Variants in CACNA1E observed in about 807,000 individuals in gnomAD.
The protein encoded by CACNA1E is voltage-dependent R-type calcium channel subunit alpha-1E.
CACNA1E carries 40 observed loss-of-function variants against 259.2 expected under a neutral mutation model. That is an observed-to-expected ratio of 0.15 (90% CI 0.12 to 0.20). The LOEUF (loss-of-function observed/expected upper bound fraction) is 0.20. Ranked by LOEUF, CACNA1E falls within the 10% of genes least tolerant of loss-of-function variation. CACNA1E has a pLI of 1.00. For synonymous variants in CACNA1E, 1,104 were observed against 1,138.5 expected (o/e 0.97, Z 0.61); for missense variants, 1,874 against 3,040.1 (o/e 0.62, Z 9.02).
At chr1:181,503,445 G>A (rs768667708) in intron 1 of CACNA1E, among the ~76,000 whole-genome samples, 1 of 152,212 alleles carries the variant, frequency 6.6e-6, no homozygotes, top group Non-Finnish European at 1.5e-5. Flanking sequence ...GTGTTTGGAT[G>A]CGCTTTCCAT....
At chr1:181,550,818 A>C (rs192175175) in intron 3 of CACNA1E, among the ~76,000 whole-genome samples, 24 of 152,136 alleles carry the variant, frequency 1.6e-4, no homozygotes, top group Non-Finnish European at 2.9e-4. Context: ...TAGCAGGGAA[A>C]CAGTCATCTT....
intron 1 of CACNA1E, among the ~76,000 whole-genome samples, chr1:181,337,159 C>G (rs949539160): frequency 3.5e-5 from 5 of 142,748 alleles, no homozygotes; most frequent in African/African-American, 1.3e-4. Flanking sequence ...AGAATCTACT[C>G]TTTTTTTTTT....
chr1:181,751,895 ATATG>A (rs1657630631), intron 26 of CACNA1E: 5 of 638,026 alleles, frequency 7.8e-6, no homozygotes, highest in Non-Finnish European at 1.2e-5. Flanking sequence ...GTGTGTGTAT[ATATG>A]AGTGTGTACG....
chr1:181,381,205 A>C (rs1230092356), intron 1 of CACNA1E, among the ~76,000 whole-genome samples: 1 of 152,170 alleles, frequency 6.6e-6, no homozygotes, highest in East Asian at 1.9e-4. Context: ...ACCTGTACAC[A>C]AGAGTTCATA....
intron 38 of CACNA1E, among the ~76,000 whole-genome samples, chr1:181,777,720 GGAT>G (rs1660086741): frequency 6.6e-6 from 1 of 152,172 alleles, no homozygotes; most frequent in Non-Finnish European, 1.5e-5. Context: ...GTGTTTGTGA[GGAT>G]GATATTAAAT....
upstream of CACNA1E, among the ~76,000 whole-genome samples, chr1:181,482,211 C>CG (rs1182652373): frequency 1.3e-5 from 2 of 152,214 alleles, no homozygotes; most frequent in Admixed American, 6.5e-5. Context: ...GGAGGAGCGG[C>CG]GACGCGGCCA....
At chr1:181,611,234 C>T (rs1016947594) in intron 6 of CACNA1E, among the ~76,000 whole-genome samples, 1 of 152,188 alleles carries the variant, frequency 6.6e-6, no homozygotes, top group African/African-American at 2.4e-5. Context: ...ACACTTCTAC[C>T]TCTCACTGTC....
chr1:181,332,068 C>T (rs928540918), intron 1 of CACNA1E, among the ~76,000 whole-genome samples: 6 of 152,202 alleles, frequency 3.9e-5, no homozygotes, highest in Non-Finnish European at 8.8e-5. Flanking sequence ...TTTGCAAGGA[C>T]ATGAATGGAG....
At chr1:181,394,103 G>A (rs1257780515) in intron 1 of CACNA1E, among the ~76,000 whole-genome samples, 1 of 152,014 alleles carries the variant, frequency 6.6e-6, no homozygotes, top group Non-Finnish European at 1.5e-5. Flanking sequence ...ACGGTTGGTT[G>A]CTGACTCAGT....
intron 7 of CACNA1E, among the ~76,000 whole-genome samples, chr1:181,687,417 G>C (rs956779330): frequency 6.6e-6 from 1 of 152,112 alleles, no homozygotes; most frequent in African/African-American, 2.4e-5. Context: ...CACTTCTTCT[G>C]TCTTGTCCAG....
At chr1:181,596,268 C>T (rs755371453) in intron 6 of CACNA1E, among the ~76,000 whole-genome samples, 1 of 152,142 alleles carries the variant, frequency 6.6e-6, no homozygotes, top group African/African-American at 2.4e-5. Flanking sequence ...AAGCAGCCTC[C>T]TGTGGACATA....
chr1:181,677,570 C>T (rs1160125820), intron 7 of CACNA1E, among the ~76,000 whole-genome samples: 2 of 152,254 alleles, frequency 1.3e-5, no homozygotes, highest in Admixed American at 6.5e-5. Context: ...ATTTCCTGAT[C>T]ACCAAACACA....
chr1:181,777,663 T>G (rs1189144203), intron 38 of CACNA1E, among the ~76,000 whole-genome samples: 1 of 152,230 alleles, frequency 6.6e-6, no homozygotes, highest in African/African-American at 2.4e-5. Flanking sequence ...CACTCTGGGC[T>G]TCTTTACCTG....
intron 6 of CACNA1E, among the ~76,000 whole-genome samples, chr1:181,651,021 TGCTATAAAACCA>T (rs1375514577): frequency 6.6e-6 from 1 of 152,234 alleles, no homozygotes; most frequent in Non-Finnish European, 1.5e-5. Flanking sequence ...CATTACCAAA[TGCTATAAAACCA>T]GTGGTTGTTT....
intron 1 of CACNA1E, among the ~76,000 whole-genome samples, chr1:181,504,712 A>G (rs957782734): frequency 6.6e-5 from 10 of 152,246 alleles, no homozygotes; most frequent in African/African-American, 2.4e-4. Flanking sequence ...AAGGAAATGA[A>G]CAAATGGCAG....
chr1:181,694,859 T>C (rs1045575158), intron 7 of CACNA1E, among the ~76,000 whole-genome samples: 1 of 152,110 alleles, frequency 6.6e-6, no homozygotes. Context: ...AATGTTGTTA[T>C]GTAAATCTGA....
intron 6 of CACNA1E, among the ~76,000 whole-genome samples, chr1:181,600,525 T>C (rs914264518): frequency 6.6e-6 from 1 of 151,922 alleles, no homozygotes; most frequent in Non-Finnish European, 1.5e-5. Flanking sequence ...TAGATTGGGA[T>C]GTGTTTTGAA....
chr1:181,422,714 T>C (rs924317628), intron 2 of CACNA1E, among the ~76,000 whole-genome samples: 2 of 152,190 alleles, frequency 1.3e-5, no homozygotes, highest in African/African-American at 4.8e-5. Context: ...AAGTACTTAG[T>C]CCGATGCTTG....
intron 3 of CACNA1E, among the ~76,000 whole-genome samples, chr1:181,541,907 G>T (rs888415165): frequency 2.0e-5 from 3 of 152,194 alleles, no homozygotes; most frequent in African/African-American, 7.2e-5. Context: ...ATTGTATCAG[G>T]TTTGGTCTGG....
Sources: gnomAD v4.1 joint callset for allele counts (sites outside exome capture counted in the v4.1 genomes callset) on GRCh38, gnomAD v4.1.1 for gene constraint, MANE v1.5 for transcripts, NCBI Gene and HGNC (gene_info 2026-07-23, HGNC 2026-07-21) for gene names.